PTPRD: variants seen among roughly 807,000 people sequenced by gnomAD.
PTPRD encodes the protein protein tyrosine phosphatase receptor type D.
Under a neutral mutation model 214.5 loss-of-function variants are expected in PTPRD, and 34 were observed. That is an observed-to-expected ratio of 0.16 (90% CI 0.12 to 0.21). PTPRD has a LOEUF of 0.21. Ranked by LOEUF, PTPRD falls within the 10% of genes least tolerant of loss-of-function variation. The pLI is 1.00. For missense variants in PTPRD, 2,545 were observed against 2,398.7 expected, an observed-to-expected ratio of 1.06 and a Z score of -1.27; for synonymous variants, 1,128 against 845.7, an observed-to-expected ratio of 1.33 and a Z score of -5.79.
intron 2 of PTPRD, among the ~76,000 whole-genome samples, chr9:10,572,660 T>C (rs191933930): frequency 6.6e-6 from 1 of 152,252 alleles, no homozygotes; most frequent in Admixed American, 6.5e-5. Flanking sequence ...TAATTCAGAA[T>C]AAGAAATAAA....
chr9:9,455,747 A>T (rs372754070), intron 8 of PTPRD, among the ~76,000 whole-genome samples: 6 of 151,866 alleles, frequency 4.0e-5, no homozygotes, highest in African/African-American at 1.4e-4. Flanking sequence ...GTAGAAAAAA[A>T]ACTCTTTTTG....
In PTPRD at chr9:9,939,771, C is replaced by T. The variant is rs1173805680; in HGVS notation, c.-471-1161G>A. Among the ~76,000 whole-genome samples, 6 of 152,204 alleles carry T rather than the reference C, an allele frequency of 3.9e-5. No individual in the cohort carries two copies. The East Asian group carries it at 1.2e-3, about 29-fold the overall frequency. On this transcript the variant is annotated intron_variant, in intron 4 of 45. Coordinates refer to ENST00000381196, the MANE Select transcript of PTPRD (RefSeq NM_002839.4). ...TCTCATCTTGCTAATACTCATTTAG[C>T]TTAAGAGTTTTTTCTATGCAGTACG...
At position 9,815,510 on chromosome 9, in the gene PTPRD, C is replaced by T. The variant is rs545999700; in HGVS notation, c.-367-48659G>A. Among the ~76,000 whole-genome samples the T allele has an allele frequency of 7.9e-5, 12 of 151,832 alleles. No individual in the cohort carries two copies. In the South Asian group the frequency reaches 2.5e-3, roughly 32 times the overall value. On this transcript the variant is annotated intron_variant, in intron 5 of 45. Transcript: ENST00000381196. Reference sequence around the variant, plus strand: ...AAAGTCAACAAAAGCAAAAATAAACCAGTGGTCTATATCAAAGTAAAAATC... The same window carrying T: ...AAAGTCAACAAAAGCAAAAATAAACTAGTGGTCTATATCAAAGTAAAAATC...
In PTPRD at chr9:8,316,052, A is replaced by G. The variant is rs1448823223; in HGVS notation, c.*1822T>C. On this transcript the variant is annotated 3_prime_UTR_variant, in exon 46 of 46. Transcript: ENST00000381196. ...AAAATAAGTTTGGTGCAGTTACTGC[A>G]TGTTCCAGAGCGGATTTGGAAGGGA... 3 of 228,770 alleles carry G rather than the reference A, an allele frequency of 1.3e-5. No individual in the cohort carries two copies. Among genetic ancestry groups the G allele is most frequent in the African/African-American group, 6.7e-5 (3 of 45,078 alleles). 14.2% of individuals were successfully genotyped at this position (228,770 alleles called of 1,614,324 possible).
chr9:10,425,235 T>C (rs1032864778), intron 2 of PTPRD, among the ~76,000 whole-genome samples: 1 of 152,078 alleles, frequency 6.6e-6, no homozygotes, highest in East Asian at 1.9e-4. Context: ...ATTCAAATGT[T>C]TGCTTCATAA....
intron 12 of PTPRD, among the ~76,000 whole-genome samples, chr9:8,710,797 G>C (rs1280268504): frequency 6.6e-6 from 1 of 152,040 alleles, no homozygotes; most frequent in African/African-American, 2.4e-5. Flanking sequence ...CTTTATTTCT[G>C]AGAACTTTAC....
intron 4 of PTPRD, among the ~76,000 whole-genome samples, chr9:9,951,099 G>A (rs2093412462): frequency 6.6e-6 from 1 of 152,108 alleles, no homozygotes; most frequent in Non-Finnish European, 1.5e-5. Flanking sequence ...TTCACCTCAG[G>A]TTAATTAGAA....
At chr9:8,729,199 C>G (rs1349531946) in intron 12 of PTPRD, among the ~76,000 whole-genome samples, 1 of 152,156 alleles carries the variant, frequency 6.6e-6, no homozygotes, top group Admixed American at 6.5e-5. Context: ...ACGCCTTCTA[C>G]TATCCATTCT....
chr9:9,993,066 A>G (rs544803582), intron 4 of PTPRD, among the ~76,000 whole-genome samples: 2 of 152,366 alleles, frequency 1.3e-5, no homozygotes, highest in East Asian at 1.9e-4. Context: ...AGAAAATTTA[A>G]AAGTATCAAC....
chr9:8,507,023 A>G (rs1236270580), intron 22 of PTPRD, among the ~76,000 whole-genome samples: 1 of 152,100 alleles, frequency 6.6e-6, no homozygotes, highest in African/African-American at 2.4e-5. Flanking sequence ...CATCTATGGA[A>G]CTTGGAACTC....
At chr9:10,441,972 T>G (rs2098762201) in intron 2 of PTPRD, among the ~76,000 whole-genome samples, 1 of 151,570 alleles carries the variant, frequency 6.6e-6, no homozygotes, top group African/African-American at 2.4e-5. Context: ...CTAAAAAAAC[T>G]GGAGAAAAAA....
At chr9:8,910,108 G>A (rs1027621738) in intron 11 of PTPRD, among the ~76,000 whole-genome samples, 58 of 151,664 alleles carry the variant, frequency 3.8e-4, no homozygotes, top group Non-Finnish European at 1.2e-4. Context: ...GCTCAATCTC[G>A]GCTCACTGCA....
intron 8 of PTPRD, among the ~76,000 whole-genome samples, chr9:9,550,824 G>C (rs2080028453): frequency 6.6e-6 from 1 of 151,824 alleles, no homozygotes; most frequent in Non-Finnish European, 1.5e-5. Flanking sequence ...AGGATATAGA[G>C]AGTATATAAG....
intron 39 of PTPRD, among the ~76,000 whole-genome samples, chr9:8,357,989 A>C (rs946227221): frequency 2.6e-5 from 4 of 152,140 alleles, no homozygotes; most frequent in African/African-American, 4.8e-5. Context: ...GAGTAATTCT[A>C]CTAAGTCCCG....
intron 35 of PTPRD, among the ~76,000 whole-genome samples, chr9:8,434,585 G>A (rs998508007): frequency 5.3e-5 from 8 of 152,070 alleles, no homozygotes; most frequent in African/African-American, 1.9e-4. Flanking sequence ...TTACTAACAG[G>A]TCGAGCTATC....
intron 5 of PTPRD, among the ~76,000 whole-genome samples, chr9:9,777,730 C>T (rs1028833008): frequency 6.6e-6 from 1 of 152,068 alleles, no homozygotes; most frequent in Non-Finnish European, 1.5e-5. Context: ...ATAAATAACT[C>T]TGGAAACATG....
chr9:8,914,158 C>G (rs893205547), intron 11 of PTPRD, among the ~76,000 whole-genome samples: 2 of 151,948 alleles, frequency 1.3e-5, no homozygotes, highest in African/African-American at 4.8e-5. Context: ...GATTTTAACA[C>G]CTTTCTCTTC....
intron 2 of PTPRD, among the ~76,000 whole-genome samples, chr9:10,483,287 G>A (rs1490987172): frequency 1.3e-5 from 2 of 151,974 alleles, no homozygotes; most frequent in Admixed American, 6.6e-5. Flanking sequence ...ATGAACTCAA[G>A]ATGGATTAAA....
intron 11 of PTPRD, among the ~76,000 whole-genome samples, chr9:8,915,542 C>T (rs1265383736): frequency 6.6e-6 from 1 of 152,102 alleles, no homozygotes; most frequent in Non-Finnish European, 1.5e-5. Context: ...CAAGTATACA[C>T]ACACACACAT....
Sources: allele counts gnomAD v4.1 joint callset (sites outside exome capture counted in the v4.1 genomes callset), GRCh38; gene constraint gnomAD v4.1.1; transcripts MANE v1.5; gene names NCBI Gene and HGNC (gene_info 2026-07-23, HGNC 2026-07-21).